The following NLGN1 variants were observed in gnomAD, a reference collection of about 807,000 sequenced individuals.
NLGN1 encodes neuroligin-1.
In NLGN1, 12 loss-of-function variants were observed where a neutral mutation model predicts 65.5. The observed-to-expected ratio is 0.18, with a 90% CI of 0.12 to 0.30. NLGN1 has a LOEUF of 0.30. Among genes scored for constraint, NLGN1 ranks in the 10% least tolerant of loss-of-function variants. The probability of loss-of-function intolerance (pLI) is 1.00; values close to 1 mark genes in which losing one functional copy is unlikely to be tolerated. For synonymous variants in NLGN1, 350 were observed against 359.5 expected (o/e 0.97, Z 0.30); for missense variants, 750 against 1,007.1 (o/e 0.74, Z 3.46).
At chr3:173,918,696 GTGTGTGTA>G (rs57340955) in intron 4 of NLGN1, among the ~76,000 whole-genome samples, 16,731 of 133,620 alleles carry the variant, frequency 0.13, 1,059 homozygotes, top group East Asian at 0.26. Flanking sequence ...GTGTGTGTGT[GTGTGTGTA>G]TATATATATA....
intron 4 of NLGN1, among the ~76,000 whole-genome samples, chr3:174,019,228 A>G (rs1727235701): frequency 6.6e-6 from 1 of 152,164 alleles, no homozygotes; most frequent in African/African-American, 2.4e-5. Flanking sequence ...CATTTCATGT[A>G]TTGGAAACTT....
intron 4 of NLGN1, among the ~76,000 whole-genome samples, chr3:174,071,095 A>T (rs1739751096): frequency 6.6e-6 from 1 of 152,154 alleles, no homozygotes; most frequent in Non-Finnish European, 1.5e-5. Context: ...CAAGAGTAAG[A>T]TACAAAATTT....
chr3:173,450,089 A>C (rs1721194844), intron 2 of NLGN1, among the ~76,000 whole-genome samples: 1 of 152,180 alleles, frequency 6.6e-6, no homozygotes, highest in Non-Finnish European at 1.5e-5. Flanking sequence ...TTATGTGTGA[A>C]TTTGATCCTG....
chr3:174,170,985 G>A (rs954947304), intron 4 of NLGN1, among the ~76,000 whole-genome samples: 21 of 152,106 alleles, frequency 1.4e-4, no homozygotes, highest in African/African-American at 4.8e-4. Context: ...TTACATTCAT[G>A]TCAAGGGAAA....
chr3:173,853,559 A>C (rs984351679), intron 4 of NLGN1, among the ~76,000 whole-genome samples: 4 of 152,156 alleles, frequency 2.6e-5, no homozygotes, highest in African/African-American at 7.2e-5. Context: ...GAAATTGTAT[A>C]TTTATAATGT....
intron 4 of NLGN1, among the ~76,000 whole-genome samples, chr3:174,147,702 C>G (rs891075504): frequency 6.6e-6 from 1 of 152,008 alleles, no homozygotes; most frequent in Non-Finnish European, 1.5e-5. Flanking sequence ...ACACATTGCT[C>G]ACTGGATCTG....
chr3:173,468,093 CT>C (rs1724675936), intron 2 of NLGN1, among the ~76,000 whole-genome samples: 1 of 152,132 alleles, frequency 6.6e-6, no homozygotes, highest in African/African-American at 2.4e-5. Context: ...ATGTCTGCCC[CT>C]CTTCTAGGCT....
intron 2 of NLGN1, among the ~76,000 whole-genome samples, chr3:173,495,890 A>G (rs1298705780): frequency 6.6e-6 from 1 of 151,770 alleles, no homozygotes; most frequent in Non-Finnish European, 1.5e-5. Context: ...ATATCTTCTT[A>G]TGATTTGAAT....
At chr3:173,667,837 C>T (rs543471129) in intron 3 of NLGN1, among the ~76,000 whole-genome samples, 152 of 152,092 alleles carry the variant, frequency 1.0e-3, no homozygotes, top group African/African-American at 3.4e-3. Context: ...TTCACCATAT[C>T]GGACAGGCTG....
chr3:174,288,715 T>A (rs1237016181), downstream of NLGN1, among the ~76,000 whole-genome samples: 1 of 151,466 alleles, frequency 6.6e-6, no homozygotes, highest in East Asian at 1.9e-4. Flanking sequence ...GGATTGACCA[T>A]AATAAACACT....
chr3:174,276,903 A>T (rs1481662333), intron 5 of NLGN1, among the ~76,000 whole-genome samples: 1 of 151,790 alleles, frequency 6.6e-6, no homozygotes, highest in Non-Finnish European at 1.5e-5. Context: ...CTAAAGCAAC[A>T]CTAAGCCACC....
intron 3 of NLGN1, among the ~76,000 whole-genome samples, chr3:173,612,949 A>G (rs1752535032): frequency 6.6e-6 from 1 of 152,076 alleles, no homozygotes; most frequent in South Asian, 2.1e-4. Context: ...CTGTGTTCCA[A>G]TGGTCAATAT....
intron 3 of NLGN1, among the ~76,000 whole-genome samples, chr3:173,724,128 A>T (rs1430479491): frequency 1.3e-5 from 2 of 152,238 alleles, no homozygotes; most frequent in Non-Finnish European, 2.9e-5. Flanking sequence ...AATGTGGAGT[A>T]GGTGACTAGA....
intron 2 of NLGN1, among the ~76,000 whole-genome samples, chr3:173,590,572 A>G (rs1049295231): frequency 1.3e-5 from 2 of 152,192 alleles, no homozygotes; most frequent in Non-Finnish European, 2.9e-5. Flanking sequence ...TACCTGGTAC[A>G]TAACTGGAAA....
At chr3:173,470,113 G>A (rs920145996) in intron 2 of NLGN1, among the ~76,000 whole-genome samples, 11 of 151,942 alleles carry the variant, frequency 7.2e-5, no homozygotes, top group African/African-American at 2.7e-4. Context: ...GCTGCCAGGG[G>A]TGCATCTAAA....
intron 4 of NLGN1, among the ~76,000 whole-genome samples, chr3:174,035,397 G>A (rs191607890): frequency 6.6e-6 from 1 of 152,274 alleles, no homozygotes; most frequent in East Asian, 1.9e-4. Flanking sequence ...AGGTAGGCAA[G>A]AGACTCAGGA....
At chr3:173,877,176 G>A (rs542125488) in intron 4 of NLGN1, among the ~76,000 whole-genome samples, 12 of 152,216 alleles carry the variant, frequency 7.9e-5, no homozygotes, top group African/African-American at 2.9e-4. Context: ...TACATAAAGT[G>A]ATCAAATTTA....
At chr3:173,528,000 T>C (rs1445810204) in intron 2 of NLGN1, among the ~76,000 whole-genome samples, 1 of 152,234 alleles carries the variant, frequency 6.6e-6, no homozygotes, top group Non-Finnish European at 1.5e-5. Context: ...ATAGTGTTGT[T>C]AGCTAGTTGC....
chr3:173,697,587 G>C (rs972990206), intron 3 of NLGN1, among the ~76,000 whole-genome samples: 2 of 151,964 alleles, frequency 1.3e-5, no homozygotes, highest in Non-Finnish European at 2.9e-5. Flanking sequence ...GAGTGCAATG[G>C]TGCGATCTCA....
Sources: allele counts gnomAD v4.1 joint callset (sites outside exome capture counted in the v4.1 genomes callset), GRCh38; gene constraint gnomAD v4.1.1; transcripts MANE v1.5; gene names NCBI Gene and HGNC (gene_info 2026-07-23, HGNC 2026-07-21).